C12orf42: variants seen among roughly 807,000 people sequenced by gnomAD.
The protein encoded by C12orf42 is uncharacterized protein C12orf42.
C12orf42 carries 25 observed loss-of-function variants against 21.6 expected under a neutral mutation model. The observed-to-expected ratio is 1.16, with a 90% CI of 0.84 to 1.62. C12orf42 has a LOEUF of 1.62. Among genes scored for constraint, C12orf42 ranks in the 40% most tolerant of loss-of-function variants. The pLI is 0.00. For synonymous variants in C12orf42, 174 were observed against 175.0 expected, an observed-to-expected ratio of 0.99 and a Z score of 0.05; for missense variants, 483 against 459.3, an observed-to-expected ratio of 1.05 and a Z score of -0.47.
At chr12:103,319,857 T>G (rs1400221649) in intron 4 of C12orf42, among the ~76,000 whole-genome samples, 1 of 152,206 alleles carries the variant, frequency 6.6e-6, no homozygotes, top group East Asian at 1.9e-4. Flanking sequence ...ATCTTCCATG[T>G]CATTTCCATC....
At chr12:103,491,272 AT>A (rs1955167225) in intron 1 of C12orf42, among the ~76,000 whole-genome samples, 3 of 152,152 alleles carry the variant, frequency 2.0e-5, no homozygotes, top group African/African-American at 7.2e-5. Context: ...ATATAATAAT[AT>A]TTGTTGGGCT....
chr12:103,294,667 G>A (rs958525031), intron 4 of C12orf42, among the ~76,000 whole-genome samples: 3 of 151,512 alleles, frequency 2.0e-5, no homozygotes, highest in Non-Finnish European at 4.4e-5. Flanking sequence ...AAGAAAGAAG[G>A]AAAAAACCTT....
At chr12:103,395,070 T>C (rs1490847661) in intron 3 of C12orf42, among the ~76,000 whole-genome samples, 1 of 152,226 alleles carries the variant, frequency 6.6e-6, no homozygotes, top group African/African-American at 2.4e-5. Flanking sequence ...GAGCTAAGGA[T>C]ACAACAAAAA....
the C12orf42 span, among the ~76,000 whole-genome samples, chr12:103,115,592 G>A: frequency 0.17 from 25,599 of 151,392 alleles, 2,507 homozygotes; most frequent in Admixed American, 0.23. Context: ...CCCACTTCCC[G>A]GAGTTGTTTT....
At chr12:103,162,834 A>G in the C12orf42 span, 2 of 152,190 alleles carry the variant, frequency 1.3e-5, no homozygotes, top group Admixed American at 1.3e-4. Context: ...CAGAGAAAGT[A>G]ATTGTTCATC....
At chr12:103,252,969 A>G (rs1012721777) in intron 10 of C12orf42, among the ~76,000 whole-genome samples, 1 of 151,876 alleles carries the variant, frequency 6.6e-6, no homozygotes, top group African/African-American at 2.4e-5. Context: ...ATCCATCTTG[A>G]GTTAATTTTT....
rs1441812703 is a variant in C12orf42 at position 103,419,020 on chromosome 12, G to A, written c.79-17345C>T. 2.0e-5 allele frequency among the ~76,000 whole-genome samples: 3 copies of A among 152,164 alleles called. No individual in the cohort carries two copies. The East Asian group carries it at 5.8e-4, about 29-fold the overall frequency. ...ATCTAAGTCAGTCTTGGGATATCAT[G>A]GGAAGCTCCCCAAAGAAAGAGCCAT... On this transcript the variant is annotated intron_variant, in intron 2 of 5. Transcript: ENST00000548883.
At chr12:103,464,905 A>G (rs184071887) in intron 2 of C12orf42, among the ~76,000 whole-genome samples, 3 of 152,210 alleles carry the variant, frequency 2.0e-5, no homozygotes, top group East Asian at 1.9e-4. Context: ...TGAGATCTCT[A>G]TTCTGTTACA....
chr12:103,142,799 T>C, the C12orf42 span, among the ~76,000 whole-genome samples: 1 of 152,198 alleles, frequency 6.6e-6, no homozygotes. Flanking sequence ...ACTCAACTTG[T>C]GCAGCAAACT....
chr12:103,207,987 A>G, the C12orf42 span, among the ~76,000 whole-genome samples: 55,778 of 152,010 alleles, frequency 0.37, 10,965 homozygotes, highest in South Asian at 0.45. Flanking sequence ...CTGTGACTCT[A>G]CCACGTCAGG....
the C12orf42 span, among the ~76,000 whole-genome samples, chr12:103,191,570 A>AAAAAAAAAAAAAC: frequency 5.6e-4 from 72 of 129,118 alleles, 4 homozygotes; most frequent in African/African-American, 2.0e-3. Context: ...AAAAAAAAAA[A>AAAAAAAAAAAAAC]AAAATACAAA....
the C12orf42 span, among the ~76,000 whole-genome samples, chr12:103,157,765 G>A: frequency 1.3e-5 from 2 of 152,316 alleles, no homozygotes; most frequent in East Asian, 1.9e-4. Context: ...GTTTGTAGAA[G>A]ATCAGATGGT....
At chr12:103,109,741 A>C in the C12orf42 span, among the ~76,000 whole-genome samples, 1 of 151,728 alleles carries the variant, frequency 6.6e-6, no homozygotes, top group African/African-American at 2.4e-5. Context: ...CACCATGAAC[A>C]AATAAAAAAG....
intron 3 of C12orf42, among the ~76,000 whole-genome samples, chr12:103,388,823 C>T (rs192063491): frequency 1.3e-5 from 2 of 152,304 alleles, no homozygotes; most frequent in African/African-American, 4.8e-5. Context: ...CAGTGTTCTC[C>T]CTGCTCTGCC....
the C12orf42 span, among the ~76,000 whole-genome samples, chr12:103,189,561 C>T: frequency 5.2e-3 from 799 of 152,318 alleles, 3 homozygotes; most frequent in African/African-American, 0.018. Context: ...ATTCACATCA[C>T]CCATTCCCCA....
At chr12:103,236,940 C>T (rs573432660), downstream of C12orf42, among the ~76,000 whole-genome samples, 1 of 152,168 alleles carries the variant, frequency 6.6e-6, no homozygotes, top group Non-Finnish European at 1.5e-5. Flanking sequence ...GATTCAGCAG[C>T]ATATCGTAGG....
At chr12:103,352,095 C>T (rs972137560) in intron 4 of C12orf42, among the ~76,000 whole-genome samples, 1 of 152,042 alleles carries the variant, frequency 6.6e-6, no homozygotes, top group Non-Finnish European at 1.5e-5. Context: ...CCTCTTTGCC[C>T]CACTTGACAT....
At chr12:103,500,789 T>G (rs1955700211), upstream of C12orf42, among the ~76,000 whole-genome samples, 1 of 152,226 alleles carries the variant, frequency 6.6e-6, no homozygotes, top group Non-Finnish European at 1.5e-5. Context: ...GCAGAAAGTT[T>G]ACTAAATATC....
chr12:103,263,072 T>C (rs2034981893), intron 10 of C12orf42, among the ~76,000 whole-genome samples: 1 of 152,094 alleles, frequency 6.6e-6, no homozygotes, highest in Non-Finnish European at 1.5e-5. Context: ...AAATACCGCA[T>C]GTTCTCACTC....
Sources: gnomAD v4.1 joint callset for allele counts (sites outside exome capture counted in the v4.1 genomes callset) on GRCh38, gnomAD v4.1.1 for gene constraint, MANE v1.5 for transcripts, NCBI Gene and HGNC (gene_info 2026-07-23, HGNC 2026-07-21) for gene names.